Variants in PTDSS1 observed in about 807,000 individuals in gnomAD.
PTDSS1 encodes the protein phosphatidylserine synthase 1.
A neutral mutation model predicts 70.5 loss-of-function variants in PTDSS1; 45 were observed. That is an observed-to-expected ratio of 0.64 (90% CI 0.50 to 0.82). The LOEUF (loss-of-function observed/expected upper bound fraction) is 0.82, where lower values mean the gene tolerates loss of function less well. PTDSS1 is among the 40% of genes least tolerant of loss of function. PTDSS1 has a pLI of 0.00. For synonymous variants in PTDSS1, 188 were observed against 203.8 expected (o/e 0.92, Z 0.66); for missense variants, 417 against 586.1 (o/e 0.71, Z 2.98).
At chr8:96,284,243 A>G (rs1036372297) in intron 3 of PTDSS1, 90 bp downstream of exon 3, 43 of 1,212,288 alleles carry the variant, frequency 3.5e-5, no homozygotes, top group Admixed American at 1.8e-4. Context: ...GCTACTCTCA[A>G]TAGTTAAAAC....
At position 96,273,357 on chromosome 8, in the gene PTDSS1, T is replaced by C; in HGVS notation, c.238T>C (p.Phe80Leu). 1.2e-6 allele frequency: 2 copies of C among 1,612,998 alleles called. No homozygotes were observed. The highest frequency in any genetic ancestry group is 1.7e-6 in the Non-Finnish European group (2 of 1,179,518). The part of the protein sequence containing the change: ...WRGILSVIFF[F>L]LIISVLAFPN... The stretch of plus-strand genomic sequence containing the variant: ...AGGCATCCTCTCTGTTATTTTCTTC[T>C]TTCTTATCATCAGTGTGTTAGCTTT... The change falls in exon 2 of 13, where the codon TTT becomes CTT. Residue 80 changes from phenylalanine to leucine, a missense_variant. Phe to Leu is a conservative substitution (Grantham distance 22). Transcript: ENST00000517309.
intron 4 of PTDSS1, among the ~76,000 whole-genome samples, chr8:96,292,469 G>T (rs1810921683): frequency 6.6e-6 from 1 of 152,018 alleles, no homozygotes; most frequent in Admixed American, 6.5e-5. Context: ...GATTGGGGGT[G>T]TGGGGAGCTG....
At chr8:96,293,765 T>C (rs1032793994) in intron 4 of PTDSS1, among the ~76,000 whole-genome samples, 9 of 152,222 alleles carry the variant, frequency 5.9e-5, no homozygotes, top group Admixed American at 3.9e-4. Context: ...AGAGCAGCCT[T>C]CTAAAAACAG....
chr8:96,303,245 G>A (rs1252070702), intron 6 of PTDSS1, among the ~76,000 whole-genome samples: 2 of 151,940 alleles, frequency 1.3e-5, no homozygotes, highest in Admixed American at 6.6e-5. Context: ...CCAGTGTGCC[G>A]CAGATCTTCT....
intron 10 of PTDSS1, among the ~76,000 whole-genome samples, chr8:96,324,734 A>G (rs1811416233): frequency 6.6e-6 from 1 of 152,206 alleles, no homozygotes; most frequent in Admixed American, 6.5e-5. Flanking sequence ...GTTGGCAGTT[A>G]AGTTTCGAGG....
chr8:96,303,336 C>A (rs1811076454), intron 6 of PTDSS1, among the ~76,000 whole-genome samples: 1 of 152,154 alleles, frequency 6.6e-6, no homozygotes, highest in Non-Finnish European at 1.5e-5. Context: ...CTATCACTCT[C>A]CCTGCTCCCA....
intron 9 of PTDSS1, among the ~76,000 whole-genome samples, chr8:96,309,916 A>G (rs1460913507): frequency 6.6e-6 from 1 of 151,900 alleles, no homozygotes; most frequent in Non-Finnish European, 1.5e-5. Flanking sequence ...TAATCCTATC[A>G]CTTTGGGAGC....
intron 5 of PTDSS1, among the ~76,000 whole-genome samples, chr8:96,299,326 CAATGCTTTGT>C (rs1320251276): frequency 1.3e-5 from 2 of 152,142 alleles, no homozygotes; most frequent in Non-Finnish European, 2.9e-5. Context: ...AGAATTATGA[CAATGCTTTGT>C]TGTCAGGGTT....
chr8:96,308,164 T>G (rs1386067630), intron 8 of PTDSS1, among the ~76,000 whole-genome samples: 1 of 152,242 alleles, frequency 6.6e-6, no homozygotes, highest in Non-Finnish European at 1.5e-5. Flanking sequence ...CTTCCTTTTT[T>G]ATTAGACTTT....
At chr8:96,329,132 G>A (rs1214693742) in intron 10 of PTDSS1, among the ~76,000 whole-genome samples, 1 of 152,162 alleles carries the variant, frequency 6.6e-6, no homozygotes, top group Non-Finnish European at 1.5e-5. Flanking sequence ...GTCCCTCCAT[G>A]CTCTCACAGC....
chr8:96,304,114 G>T lies in PTDSS1; in HGVS notation c.827G>T (p.Arg276Leu), dbSNP rs1312675418. 2 of 1,613,756 alleles carry T rather than the reference G, an allele frequency of 1.2e-6. No homozygotes were observed. The highest frequency in any genetic ancestry group is 2.2e-5 in the South Asian group (2 of 91,032). Residue 276 changes from arginine to leucine, a missense_variant, in exon 7 of 13, where the codon CGA becomes CTA. Coordinates refer to ENST00000517309, the MANE Select transcript of PTDSS1 (RefSeq NM_014754.3). ...QFTPASWTYV[R>L]WFDPKSSFQR... ...ACTCCTGCTAGCTGGACCTATGTTC[G>T]ATGGTTTGACCCCAAATCTTCTTTT...
chr8:96,301,844 G>A lies in PTDSS1; in HGVS notation c.752+1999G>A, dbSNP rs181685028. Among the ~76,000 whole-genome samples, 327 of 152,044 alleles carry A rather than the reference G, an allele frequency of 2.2e-3. 2 individuals are homozygous for A. Among genetic ancestry groups the A allele is most frequent in the South Asian group, 3.5e-3 (17 of 4,816 alleles). ...TTCTAGTTCTTTAGTGGTTTTACTTGTTTTAAGTATTTAATCTGTCTCAAA... is the reference window on the plus strand; with the variant it reads ...TTCTAGTTCTTTAGTGGTTTTACTTATTTTAAGTATTTAATCTGTCTCAAA... On this transcript the variant is annotated intron_variant, in intron 6 of 12. Coordinates refer to ENST00000517309, the MANE Select transcript of PTDSS1 (RefSeq NM_014754.3).
At chr8:96,322,753 A>G (rs981559751) in intron 10 of PTDSS1, among the ~76,000 whole-genome samples, 1 of 152,134 alleles carries the variant, frequency 6.6e-6, no homozygotes, top group African/African-American at 2.4e-5. Flanking sequence ...ATCAACTCCA[A>G]AGTTCAGAGT....
rs1436473798 is a variant in PTDSS1, at chr8:96,262,087, A to G, written c.47A>G (p.Asn16Ser). The part of the protein sequence containing the change: ...GSRTLSKDDV[N>S]YKMHFRMINE... The stretch of plus-strand genomic sequence containing the variant: ...CGGACCCTAAGCAAGGATGATGTGA[A>G]CTACAAAATGCATTTCCGGATGATC... The change falls in exon 1 of 13, where the codon AAC becomes AGC. Residue 16 changes from asparagine to serine, a missense_variant. Physicochemically the swap from Asn to Ser is conservative, Grantham distance 46 (BLOSUM62 1). This residue lies in a region of PTDSS1 where 38 missense variants were observed against 34.3 expected (regional missense o/e 1.11). Coordinates refer to ENST00000517309, the MANE Select transcript of PTDSS1 (RefSeq NM_014754.3). The surrounding 1 kb of genome is among the most constrained non-coding windows in gnomAD (Gnocchi z 4.4). 5.6e-6 allele frequency: 9 copies of G among 1,613,720 alleles called. No homozygotes were observed. Among genetic ancestry groups the G allele is most frequent in the Non-Finnish European group, 6.8e-6 (8 of 1,179,798 alleles).
At chr8:96,293,388 T>C (rs1203307041) in intron 4 of PTDSS1, among the ~76,000 whole-genome samples, 2 of 152,194 alleles carry the variant, frequency 1.3e-5, no homozygotes, top group East Asian at 1.9e-4. Context: ...CTAGGACCAG[T>C]TGGGAAGTCA....
chr8:96,261,997 C>G lies in PTDSS1; in HGVS notation c.-44C>G, dbSNP rs1188050525. 6.3e-7 allele frequency: 1 copy of G among 1,580,984 alleles called. No individual in the cohort carries two copies. Among genetic ancestry groups the G allele is most frequent in the East Asian group, 2.3e-5 (1 of 43,694 alleles). ...GTCACCCCCGGGGTCCCGGCCTTCT[C>G]GGGCTGGGGCCGCCGCCACCGCGGC... On this transcript the variant is annotated 5_prime_UTR_variant, in exon 1 of 13. Coordinates refer to ENST00000517309, the MANE Select transcript of PTDSS1 (RefSeq NM_014754.3).
chr8:96,286,402 G>A (rs930109430), intron 3 of PTDSS1, among the ~76,000 whole-genome samples: 7 of 152,130 alleles, frequency 4.6e-5, no homozygotes, highest in Non-Finnish European at 8.8e-5. Context: ...ATAAAATAAT[G>A]CCTACACGGG....
Position 96,309,609 on chromosome 8 carries a change from T to C in PTDSS1, c.1060T>C (p.Cys354Arg), listed in dbSNP as rs1811177590. 6.2e-7 allele frequency: 1 copy of C among 1,614,004 alleles called. No individual in the cohort carries two copies. Residue 354 changes from cysteine to arginine, a missense_variant, in exon 9 of 13, where the codon TGC (cysteine) becomes CGC (arginine). This residue lies in a region of PTDSS1 where 272 missense variants were observed against 429.5 expected (regional missense o/e 0.63). Transcript: ENST00000517309. ...DTQCKRVGTQ[C>R]WVFGVIGFLE... ...ACAGTGCAAGCGCGTAGGAACACAA[T>C]GCTGGGTGTTTGGGTGAGTAATCTG...
chr8:96,272,976 T>G (rs1480871758), intron 1 of PTDSS1, among the ~76,000 whole-genome samples: 1 of 152,198 alleles, frequency 6.6e-6, no homozygotes, highest in East Asian at 1.9e-4. Context: ...GCCACATTTA[T>G]AACCTCTGGG....
Sources: allele counts gnomAD v4.1 joint callset (sites outside exome capture counted in the v4.1 genomes callset), GRCh38; gene constraint gnomAD v4.1.1; regional missense constraint gnomAD v4.1.1; non-coding constraint Gnocchi (gnomAD v3.1); transcripts MANE v1.5; gene names NCBI Gene and HGNC (gene_info 2026-07-23, HGNC 2026-07-21).